ZFAT: variants seen among roughly 807,000 people sequenced by gnomAD.
ZFAT encodes zinc finger and AT-hook domain containing.
Under a neutral mutation model 117.7 loss-of-function variants are expected in ZFAT, and 64 were observed. The ratio of observed to expected loss-of-function variants is 0.54; its 90% CI spans 0.44 to 0.67. ZFAT has a LOEUF of 0.67. Ranked by LOEUF, ZFAT falls within the 30% of genes least tolerant of loss-of-function variation. The probability of loss-of-function intolerance (pLI) is 0.00; values close to 1 mark genes in which losing one functional copy is unlikely to be tolerated. For synonymous variants in ZFAT, 679 were observed against 615.0 expected, an observed-to-expected ratio of 1.10 and a Z score of -1.54; for missense variants, 1,433 against 1,584.5, an observed-to-expected ratio of 0.90 and a Z score of 1.62.
rs773708990 is a variant in ZFAT at position 134,583,930 on chromosome 8, C to T, written c.2789G>A (p.Arg930His). ...TAGGTGGGTTTTCTCAGTGCTGTGA[C>T]GATTCATATGAGCCTTGAGGTTACT... ...SKSNLKAHMNRHSTEKTHLCD... is the reference protein window; with the variant it reads ...SKSNLKAHMNHHSTEKTHLCD... The change falls in exon 10 of 16, where the codon CGT (arginine) becomes CAT (histidine). Residue 930 changes from arginine (R) to histidine (H), a missense_variant. Physicochemically the swap from Arg to His is conservative, Grantham distance 29. Around this residue, in one of 5 missense-constraint regions of ZFAT, gnomAD observed 503 missense variants for 543.4 expected, o/e 0.93. Transcript: ENST00000377838. 1.3e-5 allele frequency: 20 copies of T among 1,599,000 alleles called. No individual in the cohort carries two copies. The highest frequency in any genetic ancestry group is 1.7e-4 in the Middle Eastern group (1 of 6,048).
At chr8:134,514,327 T>C (rs1352761118) in intron 13 of ZFAT, among the ~76,000 whole-genome samples, 2 of 152,240 alleles carry the variant, frequency 1.3e-5, no homozygotes, top group Non-Finnish European at 2.9e-5. Flanking sequence ...ACAAGATAGA[T>C]TGAGTTTTAC....
chr8:134,663,959 G>A (rs1452283267), intron 1 of ZFAT, among the ~76,000 whole-genome samples: 3 of 152,102 alleles, frequency 2.0e-5, no homozygotes, highest in Non-Finnish European at 2.9e-5. Flanking sequence ...AAGCTGAGTC[G>A]CACGCTGCAA....
chr8:134,781,175 G>C, the ZFAT span, among the ~76,000 whole-genome samples: 3 of 152,060 alleles, frequency 2.0e-5, no homozygotes, highest in African/African-American at 7.2e-5. Flanking sequence ...GCCCAGGCTA[G>C]AGTGCAGTCG....
At chr8:134,516,911 A>G (rs1325616301) in intron 13 of ZFAT, among the ~76,000 whole-genome samples, 2 of 152,182 alleles carry the variant, frequency 1.3e-5, no homozygotes, top group African/African-American at 4.8e-5. Flanking sequence ...GTCTTAATTT[A>G]CCAATTTTCA....
At chr8:134,509,443 C>A (rs1477538416) in intron 15 of ZFAT, among the ~76,000 whole-genome samples, 176 bp downstream of exon 15, 1 of 151,708 alleles carries the variant, frequency 6.6e-6, no homozygotes, top group Non-Finnish European at 1.5e-5. Context: ...ACATATAGAG[C>A]TATTGAAGAA....
At chr8:134,802,518 A>G in the ZFAT span, among the ~76,000 whole-genome samples, 36 of 152,342 alleles carry the variant, frequency 2.4e-4, no homozygotes, top group Non-Finnish European at 4.7e-4. Flanking sequence ...GTGTATTTAT[A>G]TGACTATTTC....
At chr8:134,601,355 G>T in intron 6 of ZFAT, 122 bp downstream of exon 6, 2 of 1,400,986 alleles carry the variant, frequency 1.4e-6, no homozygotes, top group East Asian at 2.3e-5. Context: ...TATCTACAAT[G>T]GAGGAGGATG....
intron 1 of ZFAT, among the ~76,000 whole-genome samples, chr8:134,691,864 G>A (rs946525738): frequency 3.9e-5 from 6 of 152,170 alleles, no homozygotes; most frequent in Admixed American, 3.9e-4. Context: ...ATATTTACCT[G>A]CATTTCCTTT....
chr8:134,739,670 A>G, the ZFAT span, among the ~76,000 whole-genome samples: 1 of 152,228 alleles, frequency 6.6e-6, no homozygotes, highest in African/African-American at 2.4e-5. Flanking sequence ...CCTAGACTCT[A>G]GGAAGAGAGA....
At chr8:134,646,928 C>T (rs1830930979) in intron 2 of ZFAT, among the ~76,000 whole-genome samples, 1 of 152,064 alleles carries the variant, frequency 6.6e-6, no homozygotes, top group Non-Finnish European at 1.5e-5. Flanking sequence ...CAAAGAAAAG[C>T]CCAGGACCAG....
chr8:134,787,651 T>G, the ZFAT span, among the ~76,000 whole-genome samples: 1 of 152,016 alleles, frequency 6.6e-6, no homozygotes, highest in Non-Finnish European at 1.5e-5. Context: ...CTCAAGTTTA[T>G]CTTGGATATT....
intron 7 of ZFAT, 66 bp from the exon 8 acceptor site, chr8:134,590,421 C>A (rs1296703690): frequency 1.5e-6 from 2 of 1,337,224 alleles, no homozygotes; most frequent in Non-Finnish European, 2.1e-6. Flanking sequence ...AAAAAATAAC[C>A]ATCATCATCA....
chr8:134,545,738 G>A (rs1446207326), intron 11 of ZFAT, among the ~76,000 whole-genome samples: 2 of 152,130 alleles, frequency 1.3e-5, no homozygotes, highest in Middle Eastern at 3.2e-3. Context: ...GTGACTTTTG[G>A]GACAGAGAAA....
At chr8:134,742,640 A>C in the ZFAT span, among the ~76,000 whole-genome samples, 1 of 152,094 alleles carries the variant, frequency 6.6e-6, no homozygotes. Flanking sequence ...GCTACCACGC[A>C]ATTATTTCAT....
At chr8:134,487,255 T>C (rs1163527980) in intron 15 of ZFAT, among the ~76,000 whole-genome samples, 1 of 152,172 alleles carries the variant, frequency 6.6e-6, no homozygotes, top group Non-Finnish European at 1.5e-5. Flanking sequence ...TTTCCTTCTT[T>C]CTCTTCTGTA....
chr8:134,618,013 G>A (rs192750426), intron 3 of ZFAT, among the ~76,000 whole-genome samples: 35 of 152,130 alleles, frequency 2.3e-4, no homozygotes, highest in African/African-American at 7.2e-4. Flanking sequence ...AGGGGTTTCC[G>A]CTTTTGCTTC....
intron 1 of ZFAT, among the ~76,000 whole-genome samples, chr8:134,679,500 T>G (rs1035405459): frequency 2.6e-5 from 4 of 152,210 alleles, no homozygotes; most frequent in African/African-American, 9.6e-5. Flanking sequence ...GGGAGTAAAT[T>G]AGTTCAACCA....
chr8:134,594,263 T>G (rs985461681), intron 7 of ZFAT, among the ~76,000 whole-genome samples: 3 of 152,222 alleles, frequency 2.0e-5, no homozygotes, highest in Non-Finnish European at 4.4e-5. Flanking sequence ...CATTTTCTTA[T>G]AGCTCTTGGG....
intron 9 of ZFAT, 84 bp downstream of exon 9, chr8:134,588,162 C>A: frequency 7.0e-7 from 1 of 1,428,458 alleles, no homozygotes; most frequent in Non-Finnish European, 9.3e-7. Context: ...TGTGAAGATA[C>A]GGCTTCCTCT....
Sources: allele counts gnomAD v4.1 joint callset (sites outside exome capture counted in the v4.1 genomes callset), GRCh38; gene constraint gnomAD v4.1.1; regional missense constraint gnomAD v4.1.1; transcripts MANE v1.5; gene names NCBI Gene and HGNC (gene_info 2026-07-23, HGNC 2026-07-21).